Variants in SH3GL3 observed in about 807,000 individuals in gnomAD.
SH3GL3 encodes the protein SH3 domain containing GRB2 like 3, endophilin A3.
Under a neutral mutation model 47.7 loss-of-function variants are expected in SH3GL3, and 33 were observed. The observed-to-expected ratio is 0.69, with a 90% CI of 0.52 to 0.92. The LOEUF (loss-of-function observed/expected upper bound fraction) is 0.92, where lower values mean the gene tolerates loss of function less well. Among genes scored for constraint, SH3GL3 ranks in the 40% least tolerant of loss-of-function variants. SH3GL3 has a pLI of 0.00. For synonymous variants in SH3GL3, 155 were observed against 148.8 expected (o/e 1.04, Z -0.30); for missense variants, 363 against 417.8 (o/e 0.87, Z 1.14).
chr15:83,612,525 G>A (rs1266675078), intron 8 of SH3GL3, among the ~76,000 whole-genome samples: 1 of 152,204 alleles, frequency 6.6e-6, no homozygotes, highest in African/African-American at 2.4e-5. Context: ...CAGCCTTCAG[G>A]CCCCATCTGT....
chr15:83,513,444 G>A (rs1023160623), intron 1 of SH3GL3, among the ~76,000 whole-genome samples: 4 of 152,104 alleles, frequency 2.6e-5, no homozygotes, highest in African/African-American at 9.7e-5. Flanking sequence ...GTCACCCTCT[G>A]TCCCTAGACG....
At chr15:83,485,454 T>G (rs1342100869) in intron 1 of SH3GL3, among the ~76,000 whole-genome samples, 1 of 152,176 alleles carries the variant, frequency 6.6e-6, no homozygotes, top group Non-Finnish European at 1.5e-5. Flanking sequence ...TGGCTGCATT[T>G]TTTAGCATTG....
Position 83,448,481 on chromosome 15 carries a change from T to TGTGTGTGTGTGTGTGTGTGTGTGTGTG in SH3GL3, c.45+903_45+904insGTGTGTGTGTGTGTGTGTGTGTGTGTG, listed in dbSNP as rs1567228414. Among the ~76,000 whole-genome samples the TGTGTGTGTGTGTGTGTGTGTGTGTGTG allele has an allele frequency of 6.9e-6, 1 of 145,832 alleles. No homozygotes were observed. The highest frequency in any genetic ancestry group is 2.5e-5 in the African/African-American group (1 of 39,442). ...GTGTGTGTGTGTGTGTGTGTGTGTG[T>TGTGTGTGTGTGTGTGTGTGTGTGTGTG]TGATGACAAGCAAATTTGTTTTTCA... On this transcript the variant is annotated intron_variant, in intron 1 of 8. Coordinates refer to ENST00000427482, the MANE Select transcript of SH3GL3 (RefSeq NM_003027.5). The surrounding 1 kb of genome is among the most constrained non-coding windows in gnomAD (Gnocchi z 4.2).
intron 1 of SH3GL3, among the ~76,000 whole-genome samples, chr15:83,497,113 C>G (rs2042111257): frequency 6.6e-6 from 1 of 152,154 alleles, no homozygotes; most frequent in African/African-American, 2.4e-5. Context: ...TGTAATTGTG[C>G]TGGTGTTACA....
At chr15:83,480,211 C>T (rs940070738) in intron 1 of SH3GL3, among the ~76,000 whole-genome samples, 5 of 152,170 alleles carry the variant, frequency 3.3e-5, no homozygotes, top group African/African-American at 1.2e-4. Context: ...AACTCTATCA[C>T]CCTTCAATTA....
chr15:83,624,674 G>A, the SH3GL3 span, among the ~76,000 whole-genome samples: 2 of 152,190 alleles, frequency 1.3e-5, no homozygotes, highest in African/African-American at 4.8e-5. Flanking sequence ...TAAGCCAAGG[G>A]CAGGGGTCTA....
intron 1 of SH3GL3, among the ~76,000 whole-genome samples, chr15:83,473,904 C>T (rs1207585046): frequency 6.7e-6 from 1 of 149,502 alleles, no homozygotes; most frequent in African/African-American, 2.5e-5. Context: ...CTGGCTTCTT[C>T]AGCTCCAAAT....
chr15:83,458,526 T>G (rs2040112420), intron 1 of SH3GL3, among the ~76,000 whole-genome samples: 1 of 152,206 alleles, frequency 6.6e-6, no homozygotes, highest in African/African-American at 2.4e-5. Context: ...AGGCTGCTGA[T>G]ATTTCAGGCT....
At chr15:83,559,429 A>G (rs921630419) in intron 2 of SH3GL3, 108 bp downstream of exon 2, 43 of 710,222 alleles carry the variant, frequency 6.1e-5, no homozygotes, top group African/African-American at 5.5e-4. Context: ...ATGTTTAAAT[A>G]TAGGTGTGGA....
chr15:83,538,386 A>G (rs941929652), intron 1 of SH3GL3, among the ~76,000 whole-genome samples: 1 of 152,244 alleles, frequency 6.6e-6, no homozygotes, highest in Non-Finnish European at 1.5e-5. Context: ...AATAAAATGT[A>G]CATATAGGAA....
At chr15:83,450,804 A>AATTT (rs59484427) in intron 1 of SH3GL3, among the ~76,000 whole-genome samples, 5 of 58,782 alleles carry the variant, frequency 8.5e-5, no homozygotes, top group Admixed American at 2.6e-4. Context: ...TTTTTTTTTA[A>AATTT]TTTTTTTTTT....
chr15:83,597,471 G>A (rs1038754623), intron 8 of SH3GL3, among the ~76,000 whole-genome samples: 39 of 152,016 alleles, frequency 2.6e-4, no homozygotes, highest in African/African-American at 8.9e-4. Context: ...TGAGGCTATT[G>A]CTCTGCCTAC....
rs1442932439 is a variant in SH3GL3 at position 83,456,466 on chromosome 15, G to A, written c.45+8888G>A. Among the ~76,000 whole-genome samples the A allele has an allele frequency of 3.0e-5, 2 of 66,534 alleles. 1 individual carries two copies. 43.6% of individuals were successfully genotyped at this position (66,534 alleles called of 152,430 possible). A position where few individuals can be genotyped will look rare whatever the true frequency, so the allele number is the denominator to read the frequency against. On this transcript the variant is annotated intron_variant, in intron 1 of 8. Coordinates refer to ENST00000427482, the MANE Select transcript of SH3GL3 (RefSeq NM_003027.5). ...CTGTGCTAGCAATCAGCGCGATTCCGTGGGCGTAGGACCCTCTGAGCCAGG... is the reference window on the plus strand; with the variant it reads ...CTGTGCTAGCAATCAGCGCGATTCCATGGGCGTAGGACCCTCTGAGCCAGG...
chr15:83,571,241 G>A (rs1219813092), intron 4 of SH3GL3, among the ~76,000 whole-genome samples: 1 of 152,170 alleles, frequency 6.6e-6, no homozygotes, highest in Non-Finnish European at 1.5e-5. Context: ...CATGTTCAGA[G>A]CATCATCTTT....
chr15:83,482,104 T>TA (rs1405085381), intron 1 of SH3GL3, among the ~76,000 whole-genome samples: 2 of 152,220 alleles, frequency 1.3e-5, no homozygotes, highest in Non-Finnish European at 2.9e-5. Flanking sequence ...TGTGATCTAT[T>TA]AAAAAATTTG....
intron 8 of SH3GL3, among the ~76,000 whole-genome samples, chr15:83,589,006 T>A (rs1423542850): frequency 1.3e-5 from 2 of 152,220 alleles, no homozygotes; most frequent in African/African-American, 4.8e-5. Flanking sequence ...CCATTATGGC[T>A]ACATCATCCT....
chr15:83,563,916 G>A (rs2045405345), intron 2 of SH3GL3, among the ~76,000 whole-genome samples: 1 of 152,200 alleles, frequency 6.6e-6, no homozygotes, highest in Non-Finnish European at 1.5e-5. Context: ...GGGATTACAG[G>A]TGTGTCCCAC....
chr15:83,482,452 T>A (rs536003179), intron 1 of SH3GL3, among the ~76,000 whole-genome samples: 1 of 152,228 alleles, frequency 6.6e-6, no homozygotes, highest in South Asian at 2.1e-4. Flanking sequence ...GTTTTCCAAA[T>A]CTCTTTTCTT....
intron 3 of SH3GL3, among the ~76,000 whole-genome samples, chr15:83,567,844 G>A (rs2045625531): frequency 6.6e-6 from 1 of 152,102 alleles, no homozygotes; most frequent in African/African-American, 2.4e-5. Context: ...AGGTGTCAGT[G>A]TCTGACTTCA....
Sources: allele counts gnomAD v4.1 joint callset (sites outside exome capture counted in the v4.1 genomes callset), GRCh38; gene constraint gnomAD v4.1.1; non-coding constraint Gnocchi (gnomAD v3.1); transcripts MANE v1.5; gene names NCBI Gene and HGNC (gene_info 2026-07-23, HGNC 2026-07-21).